FBXW11: variants seen among roughly 807,000 people sequenced by gnomAD.
The protein encoded by FBXW11 is F-box and WD repeat domain containing 11, also known as F-box/WD repeat-containing protein 11.
A neutral mutation model predicts 77.6 loss-of-function variants in FBXW11; 19 were observed. The observed-to-expected ratio is 0.24, with a 90% CI of 0.17 to 0.36. The LOEUF is 0.36. Ranked by LOEUF, FBXW11 falls within the 10% of genes least tolerant of loss-of-function variation. FBXW11 has a pLI of 1.00. For synonymous variants in FBXW11, 235 were observed against 249.4 expected (o/e 0.94, Z 0.54); for missense variants, 334 against 704.2 (o/e 0.47, Z 5.95).
At chr5:171,953,427 G>A (rs1054397257) in intron 2 of FBXW11, among the ~76,000 whole-genome samples, 13 of 152,212 alleles carry the variant, frequency 8.5e-5, no homozygotes, top group African/African-American at 2.6e-4. Flanking sequence ...AATCCCTAAT[G>A]CTTATTAGAA....
chr5:171,884,626 T>C (rs887083924), intron 7 of FBXW11, among the ~76,000 whole-genome samples: 2 of 152,198 alleles, frequency 1.3e-5, no homozygotes, highest in Non-Finnish European at 2.9e-5. Flanking sequence ...TATTAGGTCG[T>C]ATTTTGACAG....
chr5:171,901,346 G>T (rs6864056), intron 4 of FBXW11, among the ~76,000 whole-genome samples: 2,549 of 152,274 alleles, frequency 0.017, 74 homozygotes, highest in African/African-American at 0.055. Flanking sequence ...TAAACTTTCA[G>T]AGTCAGTTTC....
At chr5:171,945,269 T>C (rs908910367) in intron 2 of FBXW11, among the ~76,000 whole-genome samples, 1 of 152,196 alleles carries the variant, frequency 6.6e-6, no homozygotes, top group South Asian at 2.1e-4. Context: ...ACAACATAAA[T>C]AGCATTCCTA....
chr5:171,966,173 T>C (rs113426397), intron 1 of FBXW11, among the ~76,000 whole-genome samples: 224 of 152,310 alleles, frequency 1.5e-3, no homozygotes, highest in South Asian at 8.3e-3. Context: ...AACGGACTAA[T>C]ACACAATTTA....
At chr5:171,891,400 G>A (rs1759337317) in intron 7 of FBXW11, 67 bp downstream of exon 7, 2 of 1,397,738 alleles carry the variant, frequency 1.4e-6, no homozygotes, top group African/African-American at 3.0e-5. Flanking sequence ...TGGAAAGATT[G>A]TCACATCTAG....
Position 171,876,521 on chromosome 5 carries a change from T to A in FBXW11, c.985A>T (p.Asn329Tyr), listed in dbSNP as rs1469543784. The change falls in exon 9 of 14, where the codon AAC (asparagine) becomes TAC (tyrosine). Residue 329 changes from asparagine to tyrosine, a missense_variant. This residue lies in a region of FBXW11 where 70 missense variants were observed against 136.6 expected (regional missense o/e 0.51). Coordinates refer to ENST00000517395, the MANE Select transcript of FBXW11 (RefSeq NM_001378974.1). This position sits in a 1 kb window ranked among gnomAD's most constrained non-coding sequence, Gnocchi z 4.2. ...AATGTGTTAAGAACTTCACCCGTGT[T>A]CACATCCCACACTCTAGGAGAGAAG... ...SDSTVRVWDV[N>Y]TGEVLNTLIH... The A allele has an allele frequency of 1.9e-6, 3 of 1,614,148 alleles. No individual in the cohort carries two copies. In the South Asian group the frequency reaches 3.3e-5, roughly 18 times the overall value.
chr5:171,920,506 GC>G (rs1761532785), intron 2 of FBXW11, among the ~76,000 whole-genome samples: 1 of 151,160 alleles, frequency 6.6e-6, no homozygotes, highest in Non-Finnish European at 1.5e-5. Context: ...GAGGAGGACT[GC>G]CTGAGGCGAG....
chr5:171,980,188 G>T (rs965752672), intron 1 of FBXW11, among the ~76,000 whole-genome samples: 6 of 152,130 alleles, frequency 3.9e-5, no homozygotes, highest in Non-Finnish European at 8.8e-5. Context: ...TGATGGTACA[G>T]GTCTTTGAAT....
intron 8 of FBXW11, among the ~76,000 whole-genome samples, chr5:171,877,167 A>G (rs1758141300): frequency 6.6e-6 from 1 of 152,152 alleles, no homozygotes; most frequent in South Asian, 2.1e-4. Context: ...GAGTTTAGGT[A>G]TATTTAGCAG....
chr5:171,880,093 T>C (rs1157210234), intron 7 of FBXW11, among the ~76,000 whole-genome samples: 3 of 152,216 alleles, frequency 2.0e-5, no homozygotes, highest in Non-Finnish European at 4.4e-5. Context: ...TTAATCCATT[T>C]TGAGTTAATT....
At chr5:171,889,897 A>T (rs1759209927) in intron 7 of FBXW11, among the ~76,000 whole-genome samples, 1 of 152,186 alleles carries the variant, frequency 6.6e-6, no homozygotes, top group Admixed American at 6.5e-5. Context: ...TCTCAAAAAA[A>T]ATTTTTTTTA....
intron 1 of FBXW11, among the ~76,000 whole-genome samples, chr5:171,974,449 A>T (rs1248719419): frequency 3.3e-5 from 5 of 151,944 alleles, no homozygotes; most frequent in African/African-American, 9.7e-5. Flanking sequence ...AAAAGAAAAA[A>T]AAAAAAATAC....
At chr5:171,974,685 T>C (rs77422950) in intron 1 of FBXW11, among the ~76,000 whole-genome samples, 2,009 of 152,154 alleles carry the variant, frequency 0.013, 49 homozygotes, top group African/African-American at 0.044. Flanking sequence ...CACCTATAAA[T>C]ATTCACTGCA....
chr5:171,961,347 A>G (rs550664135), intron 1 of FBXW11, among the ~76,000 whole-genome samples: 1 of 152,366 alleles, frequency 6.6e-6, no homozygotes, highest in Non-Finnish European at 1.5e-5. Flanking sequence ...GAACACAGAC[A>G]GTGGTTAAAA....
chr5:171,872,379 G>T (rs983638186), intron 10 of FBXW11, among the ~76,000 whole-genome samples: 1 of 152,180 alleles, frequency 6.6e-6, no homozygotes, highest in African/African-American at 2.4e-5. Flanking sequence ...ATATTGAAGG[G>T]ATGTTCTTAG....
intron 1 of FBXW11, 118 bp downstream of exon 1, chr5:172,006,340 G>T: frequency 3.4e-6 from 3 of 884,988 alleles, no homozygotes; most frequent in East Asian, 3.3e-5. Flanking sequence ...GGGGGCCCGG[G>T]TCTGGGTCGA....
chr5:171,999,414 T>C (rs972913050), intron 1 of FBXW11, among the ~76,000 whole-genome samples: 9 of 150,602 alleles, frequency 6.0e-5, no homozygotes, highest in Admixed American at 2.0e-4. Context: ...TATATATATA[T>C]ACACACACAT....
rs146921491 is a variant in FBXW11, at chr5:171,985,585, G to A, written c.45+20873C>T. 1.3e-3 allele frequency among the ~76,000 whole-genome samples: 205 copies of A among 152,046 alleles called. 1 individual carries two copies. Among genetic ancestry groups the A allele is most frequent in the African/African-American group, 4.6e-3 (192 of 41,460 alleles). ...AGCCTGTGCAACACAGCAAGACTTCGTCTCTACAAAAAAAAAATTAAAAAA... is the reference window on the plus strand; with the variant it reads ...AGCCTGTGCAACACAGCAAGACTTCATCTCTACAAAAAAAAAATTAAAAAA... On this transcript the variant is annotated intron_variant, in intron 1 of 13. Transcript: ENST00000517395.
At chr5:171,944,506 G>A (rs1021280677) in intron 2 of FBXW11, among the ~76,000 whole-genome samples, 2 of 149,622 alleles carry the variant, frequency 1.3e-5, no homozygotes, top group African/African-American at 4.9e-5. Flanking sequence ...ACCCCGGCAG[G>A]GCGGAGCCTG....
Sources: gnomAD v4.1 joint callset for allele counts (sites outside exome capture counted in the v4.1 genomes callset) on GRCh38, gnomAD v4.1.1 for gene constraint, gnomAD v4.1.1 regional missense constraint, Gnocchi (gnomAD v3.1) non-coding constraint, MANE v1.5 for transcripts, NCBI Gene and HGNC (gene_info 2026-07-23, HGNC 2026-07-21) for gene names.